Variants in PRICKLE1 observed in about 807,000 individuals in gnomAD.
PRICKLE1 encodes prickle planar cell polarity protein 1.
A neutral mutation model predicts 70.2 loss-of-function variants in PRICKLE1; 14 were observed. The observed-to-expected ratio is 0.20, with a 90% CI of 0.13 to 0.31. The LOEUF (loss-of-function observed/expected upper bound fraction) is 0.31, where lower values mean the gene tolerates loss of function less well. Among genes scored for constraint, PRICKLE1 ranks in the 10% least tolerant of loss-of-function variants. The pLI, the probability that PRICKLE1 is intolerant of heterozygous loss-of-function variation, is 1.00. For missense variants in PRICKLE1, 821 were observed against 1,026.2 expected (o/e 0.80, Z 2.73); for synonymous variants, 357 against 379.9 (o/e 0.94, Z 0.70).
chr12:42,471,403 G>A (rs61138490), intron 2 of PRICKLE1, among the ~76,000 whole-genome samples: 1,686 of 152,226 alleles, frequency 0.011, 32 homozygotes, highest in African/African-American at 0.038. Context: ...CAATACCTTA[G>A]TACCACACAA....
chr12:42,507,306 A>C (rs1939437406), intron 1 of PRICKLE1, among the ~76,000 whole-genome samples: 1 of 152,212 alleles, frequency 6.6e-6, no homozygotes, highest in Non-Finnish European at 1.5e-5. Context: ...GTTACTGAAA[A>C]TACTAAGCAG....
At chr12:42,576,434 G>A (rs557095639) in intron 1 of PRICKLE1, among the ~76,000 whole-genome samples, 4 of 152,278 alleles carry the variant, frequency 2.6e-5, no homozygotes, top group Non-Finnish European at 4.4e-5. Flanking sequence ...GGGCATATTC[G>A]ACTTTATTTC....
At chr12:42,522,026 A>G (rs1939719158) in intron 1 of PRICKLE1, among the ~76,000 whole-genome samples, 1 of 148,662 alleles carries the variant, frequency 6.7e-6, no homozygotes, top group African/African-American at 2.5e-5. Flanking sequence ...CCCAGGCTAG[A>G]GTGCAGTGGC....
intron 1 of PRICKLE1, among the ~76,000 whole-genome samples, chr12:42,527,446 G>T (rs984477834): frequency 6.6e-6 from 1 of 152,126 alleles, no homozygotes; most frequent in Admixed American, 6.6e-5. Context: ...CTAAAGGTGT[G>T]TATTCTATAG....
Position 42,464,675 on chromosome 12 carries a change from G to A in PRICKLE1, c.1359C>T (p.Thr453=), listed in dbSNP as rs772484365. 24 of 1,613,756 alleles carry A rather than the reference G, an allele frequency of 1.5e-5. No individual in the cohort carries two copies. Among genetic ancestry groups the A allele is most frequent in the South Asian group, 2.2e-5 (2 of 91,074 alleles). ...GGCTCTGGTTATTTTGCTTTAACTC[G>A]GTCTTACTTTTAACCATGTTATCAG... ...WISDNMVKSK[T]ELKQNNQSLA... is the part of the protein sequence containing the mutation. The change falls in exon 7 of 8, where the codon ACC becomes ACT. Residue 453 remains threonine, a synonymous_variant. Coordinates refer to ENST00000345127, the MANE Select transcript of PRICKLE1 (RefSeq NM_153026.3). The surrounding 1 kb of genome is among the most constrained non-coding windows in gnomAD (Gnocchi z 4.2).
At position 42,572,473 on chromosome 12, in the gene PRICKLE1, T is replaced by A. The variant is rs536040804; in HGVS notation, c.-49+16992A>T. On this transcript the variant is annotated intron_variant, in intron 1 of 7. Transcript: ENST00000345127. ...TAAATAAATAAATAAATAAATAAAT[T>A]AAAAATACTTGTTTTTAAAATAACG... Among the ~76,000 whole-genome samples, 39 of 148,168 alleles carry A rather than the reference T, an allele frequency of 2.6e-4. No individual in the cohort carries two copies. In the East Asian group the frequency reaches 3.1e-3, roughly 12 times the overall value.
intron 1 of PRICKLE1, among the ~76,000 whole-genome samples, chr12:42,488,773 AT>A (rs1223437294): frequency 6.6e-6 from 1 of 152,216 alleles, no homozygotes; most frequent in Non-Finnish European, 1.5e-5. Flanking sequence ...ACATTGCAAA[AT>A]TATTTAGATA....
intron 1 of PRICKLE1, among the ~76,000 whole-genome samples, chr12:42,492,341 A>G (rs1034833502): frequency 2.0e-5 from 3 of 152,156 alleles, no homozygotes; most frequent in African/African-American, 7.2e-5. Flanking sequence ...CTCACCAGGT[A>G]TTTTCTTTTT....
At chr12:42,563,592 A>G (rs1940565871) in intron 1 of PRICKLE1, among the ~76,000 whole-genome samples, 1 of 149,636 alleles carries the variant, frequency 6.7e-6, no homozygotes, top group Non-Finnish European at 1.5e-5. Flanking sequence ...AGTCCCAGCT[A>G]CTCAGGAGGC....
chr12:42,544,236 G>T (rs1344242135), intron 1 of PRICKLE1, among the ~76,000 whole-genome samples: 1 of 152,172 alleles, frequency 6.6e-6, no homozygotes, highest in Non-Finnish European at 1.5e-5. Flanking sequence ...GTGATCACTT[G>T]ATTATGTTGG....
intron 4 of PRICKLE1, 48 bp from the exon 5 acceptor site, chr12:42,468,877 G>A (rs1343221087): frequency 1.3e-6 from 2 of 1,558,222 alleles, no homozygotes; most frequent in Non-Finnish European, 1.8e-6. Context: ...TTTAAAGACA[G>A]GATTCTCAGG....
chr12:42,502,623 TA>T (rs1199003882), intron 1 of PRICKLE1, among the ~76,000 whole-genome samples: 8 of 152,186 alleles, frequency 5.3e-5, no homozygotes, highest in South Asian at 2.1e-4. Context: ...TGTGGTTTTT[TA>T]AAAAAAATAT....
chr12:42,568,604 A>G (rs1038018684), intron 1 of PRICKLE1, among the ~76,000 whole-genome samples: 1 of 152,254 alleles, frequency 6.6e-6, no homozygotes, highest in Admixed American at 6.5e-5. Context: ...ATTTTCAAAA[A>G]GTTCATCTCA....
chr12:42,478,302 C>T (rs770723963), intron 1 of PRICKLE1, among the ~76,000 whole-genome samples: 17 of 152,090 alleles, frequency 1.1e-4, no homozygotes, highest in Non-Finnish European at 2.2e-4. Context: ...ATGCATTAAC[C>T]AATCCTGTGC....
At chr12:42,532,288 G>A (rs1041103516) in intron 1 of PRICKLE1, among the ~76,000 whole-genome samples, 1 of 152,196 alleles carries the variant, frequency 6.6e-6, no homozygotes. Flanking sequence ...TGGTCAATGA[G>A]TAATTTTTAA....
chr12:42,479,467 T>G (rs1353241039), intron 1 of PRICKLE1, among the ~76,000 whole-genome samples: 1 of 152,226 alleles, frequency 6.6e-6, no homozygotes, highest in Non-Finnish European at 1.5e-5. Context: ...AGGTAAAGCT[T>G]GTTCCCCAAA....
intron 1 of PRICKLE1, among the ~76,000 whole-genome samples, chr12:42,489,517 C>T (rs1045983839): frequency 6.0e-5 from 9 of 150,692 alleles, no homozygotes; most frequent in Admixed American, 1.3e-4. Context: ...AAAAATTAGC[C>T]GGGCATGGTG....
At position 42,503,086 on chromosome 12, in the gene PRICKLE1, A is replaced by C. The variant is rs148828757; in HGVS notation, c.-48-30522T>G. Among the ~76,000 whole-genome samples the C allele has an allele frequency of 2.8e-3, 421 of 152,334 alleles. 2 individuals are homozygous for C. Among genetic ancestry groups the C allele is most frequent in the Non-Finnish European group, 4.6e-3 (316 of 68,020 alleles). ...TCCATGGGTAATAGTTTACTAAATC[A>C]ATTTGGACTTGTGGGGCAATCTGAA... On this transcript the variant is annotated intron_variant, in intron 1 of 7. Transcript: ENST00000345127.
intron 1 of PRICKLE1, among the ~76,000 whole-genome samples, chr12:42,496,805 G>T (rs946086445): frequency 1.5e-4 from 23 of 152,164 alleles, no homozygotes; most frequent in Admixed American, 1.2e-3. Context: ...TAGAATGGAA[G>T]AGAGTTAGGG....
Sources: allele counts gnomAD v4.1 joint callset (sites outside exome capture counted in the v4.1 genomes callset), GRCh38; gene constraint gnomAD v4.1.1; non-coding constraint Gnocchi (gnomAD v3.1); transcripts MANE v1.5; gene names NCBI Gene and HGNC (gene_info 2026-07-23, HGNC 2026-07-21).